The following TBC1D19 variants were observed in gnomAD, a reference collection of about 807,000 sequenced individuals.
The protein encoded by TBC1D19 is TBC1 domain family, member 19.
A neutral mutation model predicts 89.0 loss-of-function variants in TBC1D19; 60 were observed. The observed-to-expected ratio is 0.67, with a 90% CI of 0.55 to 0.84. The LOEUF (loss-of-function observed/expected upper bound fraction) is 0.84. Ranked by LOEUF, TBC1D19 falls within the 40% of genes least tolerant of loss-of-function variation. The pLI, the probability that TBC1D19 is intolerant of heterozygous loss-of-function variation, is 0.00. For synonymous variants in TBC1D19, 189 were observed against 199.7 expected (o/e 0.95, Z 0.45); for missense variants, 500 against 610.8 (o/e 0.82, Z 1.91).
chr4:26,784,597 T>C, the TBC1D19 span, among the ~76,000 whole-genome samples: 1 of 152,198 alleles, frequency 6.6e-6, no homozygotes, highest in Non-Finnish European at 1.5e-5. Context: ...ACCTTTGTTA[T>C]GGACATTCCC....
the TBC1D19 span, among the ~76,000 whole-genome samples, chr4:26,797,282 G>A: frequency 6.6e-6 from 1 of 151,782 alleles, no homozygotes; most frequent in Non-Finnish European, 1.5e-5. Flanking sequence ...CCAAAAAAAA[G>A]AACTCAATCC....
At chr4:26,761,895 G>A in the TBC1D19 span, among the ~76,000 whole-genome samples, 1 of 152,178 alleles carries the variant, frequency 6.6e-6, no homozygotes, top group African/African-American at 2.4e-5. Flanking sequence ...GGGAGGCTGA[G>A]GTGGGCGGAT....
the TBC1D19 span, among the ~76,000 whole-genome samples, chr4:26,822,854 T>C: frequency 1.3e-5 from 2 of 152,216 alleles, no homozygotes; most frequent in South Asian, 2.1e-4. Flanking sequence ...AGAGACATGA[T>C]AGACATTTGC....
the TBC1D19 span, among the ~76,000 whole-genome samples, chr4:26,792,861 GTCC>G: frequency 6.6e-6 from 1 of 152,158 alleles, no homozygotes; most frequent in African/African-American, 2.4e-5. Flanking sequence ...GCTCCTTCCT[GTCC>G]TCCTTCCTCT....
At chr4:26,854,175 T>C in the TBC1D19 span, among the ~76,000 whole-genome samples, 1 of 152,228 alleles carries the variant, frequency 6.6e-6, no homozygotes, top group South Asian at 2.1e-4. Context: ...TAAAATGATT[T>C]AACTATACCA....
the TBC1D19 span, among the ~76,000 whole-genome samples, chr4:26,807,057 GA>G: frequency 1.3e-5 from 2 of 152,126 alleles, no homozygotes; most frequent in African/African-American, 4.8e-5. Context: ...TGAATAAATT[GA>G]AGACACCCCC....
Position 26,609,926 on chromosome 4 carries a change from A to G in TBC1D19, c.100-3243A>G, listed in dbSNP as rs76928839. Among the ~76,000 whole-genome samples the G allele has an allele frequency of 5.7e-3, 861 of 152,254 alleles. 8 individuals are homozygous for G. The highest frequency in any genetic ancestry group is 0.02 in the African/African-American group (823 of 41,552). On this transcript the variant is annotated intron_variant, in intron 1 of 20. Coordinates refer to ENST00000264866, the MANE Select transcript of TBC1D19 (RefSeq NM_018317.4). The stretch of plus-strand genomic sequence containing the variant: ...GCTCTAATGGAGCTTACCGCTTGCA[A>G]TGTAATGAGATAGATGATATACCAA...
At chr4:26,588,411 T>TA (rs886276561) in intron 1 of TBC1D19, among the ~76,000 whole-genome samples, 94 of 115,726 alleles carry the variant, frequency 8.1e-4, no homozygotes, top group African/African-American at 2.4e-3. Flanking sequence ...TTTGATTGTT[T>TA]TTCTGTTTTC....
chr4:26,636,489 A>AG (rs34860186), intron 4 of TBC1D19, among the ~76,000 whole-genome samples: 12 of 402 alleles, frequency 0.03, no homozygotes, highest in East Asian at 0.071. Flanking sequence ...TCAGTATCAT[A>AG]AAAAAAAAAA....
At chr4:26,799,944 CTT>C in the TBC1D19 span, among the ~76,000 whole-genome samples, 3 of 129,520 alleles carry the variant, frequency 2.3e-5, no homozygotes, top group Non-Finnish European at 5.3e-5. Context: ...ACAGAGAATT[CTT>C]TTTTTTAAAA....
the TBC1D19 span, among the ~76,000 whole-genome samples, chr4:26,767,410 CTGAG>C: frequency 6.6e-6 from 1 of 152,156 alleles, no homozygotes; most frequent in African/African-American, 2.4e-5. Flanking sequence ...CCGAGATGGA[CTGAG>C]TGTTTATGCC....
the TBC1D19 span, among the ~76,000 whole-genome samples, chr4:26,833,911 G>A: frequency 6.6e-6 from 1 of 152,204 alleles, no homozygotes; most frequent in Non-Finnish European, 1.5e-5. Flanking sequence ...CAGAGGTGGT[G>A]ATATGGTTTG....
chr4:26,830,575 G>A, the TBC1D19 span, among the ~76,000 whole-genome samples: 9 of 152,054 alleles, frequency 5.9e-5, no homozygotes, highest in Non-Finnish European at 1.3e-4. Context: ...TTCTGTTACT[G>A]GGTATCTCCT....
At chr4:26,740,119 CAG>C (rs1718269629) in intron 17 of TBC1D19, 146 bp downstream of exon 17, 2 of 441,400 alleles carry the variant, frequency 4.5e-6, no homozygotes, top group Non-Finnish European at 8.0e-6. Context: ...GCAAAAATGA[CAG>C]AGAAGATGAA....
chr4:26,696,935 C>G (rs1026263367), intron 13 of TBC1D19, among the ~76,000 whole-genome samples: 14 of 152,020 alleles, frequency 9.2e-5, no homozygotes, highest in African/African-American at 3.4e-4. Context: ...ACCCTAACAT[C>G]ACAATTAAAA....
At chr4:26,756,706 A>T (rs1176704253), downstream of TBC1D19, among the ~76,000 whole-genome samples, 1 of 152,258 alleles carries the variant, frequency 6.6e-6, no homozygotes, top group Non-Finnish European at 1.5e-5. Context: ...GTTGGTACTT[A>T]GTTTGTATGT....
chr4:26,642,017 TC>T (rs1249567800), intron 7 of TBC1D19, among the ~76,000 whole-genome samples: 1 of 152,190 alleles, frequency 6.6e-6, no homozygotes, highest in Non-Finnish European at 1.5e-5. Flanking sequence ...CAGGATATTA[TC>T]CAGGAGAACT....
At chr4:26,687,355 C>T (rs890368985) in intron 12 of TBC1D19, among the ~76,000 whole-genome samples, 5 of 152,088 alleles carry the variant, frequency 3.3e-5, no homozygotes, top group Non-Finnish European at 7.4e-5. Flanking sequence ...GAGTTACTGA[C>T]CAAAGTCATA....
chr4:26,602,068 TTC>T (rs1234250674), intron 1 of TBC1D19, among the ~76,000 whole-genome samples: 5 of 152,214 alleles, frequency 3.3e-5, no homozygotes, highest in African/African-American at 1.2e-4. Context: ...CTTCGTGTGT[TTC>T]TCATGGGGTT....
Sources: gnomAD v4.1 joint callset for allele counts (sites outside exome capture counted in the v4.1 genomes callset) on GRCh38, gnomAD v4.1.1 for gene constraint, MANE v1.5 for transcripts, NCBI Gene and HGNC (gene_info 2026-07-23, HGNC 2026-07-21) for gene names.